The following CSTPP1 variants were observed in gnomAD, a reference collection of about 807,000 sequenced individuals.
CSTPP1 encodes the protein UPF0705 protein C11orf49.
the CSTPP1 span, among the ~76,000 whole-genome samples, chr11:47,024,020 A>G: frequency 6.6e-6 from 1 of 152,014 alleles, no homozygotes; most frequent in Non-Finnish European, 1.5e-5. Context: ...CTTACTTTCT[A>G]AGAAACCAGT....
the CSTPP1 span, among the ~76,000 whole-genome samples, chr11:46,949,669 C>CTT: frequency 5.8e-4 from 82 of 142,066 alleles, 1 homozygote; most frequent in South Asian, 6.8e-4. Context: ...GAGAAAATAA[C>CTT]TTTTTTTTTT....
the CSTPP1 span, among the ~76,000 whole-genome samples, chr11:47,000,210 G>A: frequency 2.7e-3 from 409 of 152,326 alleles, no homozygotes; most frequent in South Asian, 0.012. Flanking sequence ...GAAAATGGGC[G>A]AGAGTAGCTC....
At chr11:46,956,676 A>G in the CSTPP1 span, among the ~76,000 whole-genome samples, 2 of 150,950 alleles carry the variant, frequency 1.3e-5, no homozygotes, top group African/African-American at 4.9e-5. Context: ...ATTAAAAACA[A>G]TTTTTTTTTG....
the CSTPP1 span, among the ~76,000 whole-genome samples, chr11:47,131,892 G>A: frequency 3.3e-5 from 5 of 151,882 alleles, no homozygotes; most frequent in Admixed American, 6.6e-5. Context: ...CAGGAGAATC[G>A]CTTGAACCCA....
the CSTPP1 span, among the ~76,000 whole-genome samples, chr11:47,013,031 TATA>T: frequency 2.0e-5 from 3 of 147,254 alleles, no homozygotes; most frequent in South Asian, 2.1e-4. Context: ...AATAACTATA[TATA>T]ATAATATGTT....
the CSTPP1 span, chr11:47,137,962 G>A: frequency 1.7e-6 from 1 of 578,958 alleles, no homozygotes; most frequent in South Asian, 2.2e-5. Context: ...AGATAGAGTT[G>A]GAGGGTGGTG....
the CSTPP1 span, among the ~76,000 whole-genome samples, chr11:47,163,906 A>G: frequency 0.16 from 23,764 of 151,966 alleles, 3,012 homozygotes; most frequent in East Asian, 0.65. Flanking sequence ...TCAGCCTCCC[A>G]AAGTGCTGGG....
the CSTPP1 span, among the ~76,000 whole-genome samples, chr11:46,940,068 C>T: frequency 2.0e-4 from 31 of 152,092 alleles, no homozygotes; most frequent in Admixed American, 2.0e-3. Flanking sequence ...GATAGGGTTT[C>T]TCCATGTTGC....
chr11:46,952,962 TAAAG>T, the CSTPP1 span, among the ~76,000 whole-genome samples: 1 of 152,158 alleles, frequency 6.6e-6, no homozygotes, highest in Admixed American at 6.5e-5. Context: ...AGTTTTACAA[TAAAG>T]AAAGATATTT....
the CSTPP1 span, among the ~76,000 whole-genome samples, chr11:47,075,407 A>G: frequency 6.6e-6 from 1 of 152,102 alleles, no homozygotes; most frequent in Non-Finnish European, 1.5e-5. Flanking sequence ...AAAGTATAAT[A>G]AAGAGGGAGA....
the CSTPP1 span, among the ~76,000 whole-genome samples, chr11:47,006,431 G>A: frequency 6.6e-6 from 1 of 152,088 alleles, no homozygotes; most frequent in African/African-American, 2.4e-5. Context: ...GATAGTTTTA[G>A]TGTAATGTGT....
the CSTPP1 span, among the ~76,000 whole-genome samples, chr11:47,134,183 T>C: frequency 1.3e-5 from 2 of 151,918 alleles, no homozygotes; most frequent in African/African-American, 2.4e-5. Context: ...GCTAAGTGAG[T>C]TAATTTTTTT....
At chr11:47,119,461 C>T in the CSTPP1 span, among the ~76,000 whole-genome samples, 5 of 152,160 alleles carry the variant, frequency 3.3e-5, no homozygotes, top group Non-Finnish European at 5.9e-5. Flanking sequence ...ATGGGCTGCA[C>T]CCACTGTCCA....
the CSTPP1 span, among the ~76,000 whole-genome samples, chr11:46,938,172 C>T: frequency 2.0e-3 from 303 of 152,152 alleles, no homozygotes; most frequent in African/African-American, 6.8e-3. Flanking sequence ...CTGCACATGG[C>T]GAGAAGTTTT....
At chr11:47,008,110 G>A in the CSTPP1 span, among the ~76,000 whole-genome samples, 2 of 152,244 alleles carry the variant, frequency 1.3e-5, no homozygotes, top group Middle Eastern at 3.4e-3. Flanking sequence ...TGGGATTACA[G>A]GCCTGCGCCA....
the CSTPP1 span, among the ~76,000 whole-genome samples, chr11:47,074,666 G>T: frequency 2.6e-5 from 4 of 152,278 alleles, 1 homozygote; most frequent in Middle Eastern, 0.01. Context: ...TCTGTTTGTA[G>T]TGTATACCCT....
chr11:47,151,848 C>G, the CSTPP1 span, among the ~76,000 whole-genome samples: 1 of 151,918 alleles, frequency 6.6e-6, no homozygotes, highest in East Asian at 1.9e-4. Context: ...CCCTCCTGCT[C>G]GGCATATGTT....
chr11:46,970,935 T>G, the CSTPP1 span, among the ~76,000 whole-genome samples: 1 of 152,180 alleles, frequency 6.6e-6, no homozygotes, highest in Non-Finnish European at 1.5e-5. Context: ...GATGTAGCCA[T>G]TACAAAGAAT....
At chr11:47,026,088 C>G in the CSTPP1 span, among the ~76,000 whole-genome samples, 2 of 151,870 alleles carry the variant, frequency 1.3e-5, no homozygotes, top group Non-Finnish European at 2.9e-5. Context: ...ACAGGGTGAA[C>G]CAGTTGACAA....
Sources: gnomAD v4.1 joint callset for allele counts (sites outside exome capture counted in the v4.1 genomes callset) on GRCh38, gnomAD v4.1.1 for gene constraint, MANE v1.5 for transcripts, NCBI Gene and HGNC (gene_info 2026-07-23, HGNC 2026-07-21) for gene names.